NAGLU: variants seen among roughly 807,000 people sequenced by gnomAD.
NAGLU encodes the protein N-acetyl-alpha-glucosaminidase.
NAGLU carries 34 observed loss-of-function variants against 43.4 expected under a neutral mutation model. That is an observed-to-expected ratio of 0.78 (90% confidence interval 0.60 to 1.04). The LOEUF is 1.04. NAGLU is among the 50% of genes least tolerant of loss of function. The probability of loss-of-function intolerance (pLI) is 0.00; values close to 1 mark genes in which losing one functional copy is unlikely to be tolerated. For synonymous variants in NAGLU, 425 were observed against 437.6 expected (o/e 0.97, Z 0.36); for missense variants, 910 against 993.7 (o/e 0.92, Z 1.13).
chr17:42,536,418 C>G lies in NAGLU; in HGVS notation c.146C>G (p.Ser49Cys). 1 of 1,248,868 alleles carries G rather than the reference C, an allele frequency of 8.0e-7. No individual in the cohort carries two copies. Among genetic ancestry groups the G allele is most frequent in the East Asian group, 4.0e-5 (1 of 24,726 alleles). 77.4% of individuals were successfully genotyped at this position (1,248,868 alleles called of 1,614,324 possible). A position where few individuals can be genotyped will look rare whatever the true frequency, so the allele number is the denominator to read the frequency against. The change falls in exon 1 of 6, where the codon TCC becomes TGC. Residue 49 changes from serine (S) to cysteine (C), a missense_variant. Transcript: ENST00000225927. ...LLGPGPAADF[S>C]VSVERALAAK... The stretch of plus-strand genomic sequence containing the variant: ...GGGCCAGGCCCCGCGGCCGACTTCT[C>G]CGTGTCGGTGGAGCGCGCTCTGGCT...
At chr17:42,540,128 A>G (rs567587159) in intron 4 of NAGLU, among the ~76,000 whole-genome samples, 1 of 151,526 alleles carries the variant, frequency 6.6e-6, no homozygotes, top group South Asian at 2.1e-4. Context: ...AAAAAAAAAA[A>G]AAAAGGAAAG....
intron 3 of NAGLU, 76 bp downstream of exon 3, chr17:42,538,561 G>T: frequency 6.2e-7 from 1 of 1,612,852 alleles, no homozygotes. Flanking sequence ...TATTAGGCCG[G>T]CCCCAGGGCT....
Position 42,542,446 on chromosome 17 carries a change from C to T in NAGLU, c.1022-582C>T, listed in dbSNP as rs142810334. On this transcript the variant is annotated intron_variant, in intron 5 of 5. Coordinates refer to ENST00000225927, the MANE Select transcript of NAGLU (RefSeq NM_000263.4). The stretch of plus-strand genomic sequence containing the variant: ...CTCCTGACCTCAGGTGAACTGCCCA[C>T]CTCAGCCTCCCAAAGTACTGGTATT... Among the ~76,000 whole-genome samples, 871 of 152,286 alleles carry T rather than the reference C, an allele frequency of 5.7e-3. 10 individuals are homozygous for T. Among genetic ancestry groups the T allele is most frequent in the Middle Eastern group, 0.054 (16 of 294 alleles).
At chr17:42,541,256 G>A (rs944441218) in intron 5 of NAGLU, 50 bp downstream of exon 5, 1 of 1,605,112 alleles carries the variant, frequency 6.2e-7, no homozygotes, top group South Asian at 1.1e-5. Context: ...TCAAAAAGAA[G>A]GGAGTAGCAG....
chr17:42,541,905 AT>A lies in NAGLU; in HGVS notation c.1021+713del, dbSNP rs576041392. 2.7e-3 allele frequency among the ~76,000 whole-genome samples: 383 copies of A among 143,742 alleles called. 3 individuals are homozygous for A. Among genetic ancestry groups the A allele is most frequent in the African/African-American group, 4.7e-3 (187 of 39,548 alleles). The allele number at this position is 143,742 out of a possible 152,430, so 94.3% of individuals were successfully genotyped here. A position where few individuals can be genotyped will look rare whatever the true frequency, so the allele number is the denominator to read the frequency against. ...ACCCAAGACCTGAAGGAGAAGCTACATTTTTTTTTTTTTTGAGACAGATTTC... is the reference window on the plus strand; with the variant it reads ...ACCCAAGACCTGAAGGAGAAGCTACATTTTTTTTTTTTTGAGACAGATTTC... On this transcript the variant is annotated intron_variant, in intron 5 of 5. Transcript: ENST00000225927.
Position 42,538,489 on chromosome 17 carries a change from A to G in NAGLU, c.678+4A>G, listed in dbSNP as rs368199655. The G allele has an allele frequency of 3.5e-5, 57 of 1,613,828 alleles. 1 individual carries two copies. The African/African-American group carries it at 7.5e-4, about 21-fold the overall frequency. On this transcript the variant is annotated splice_donor_region_variant and intron_variant, in intron 3 of 5. Transcript: ENST00000225927. ...CATCAAGCAGCTTTACCTGCAGGTA[A>G]AAGGATGGAAAAGGGAAGGGGCAGA... is the stretch of plus-strand genomic sequence containing the variant.
intron 4 of NAGLU, among the ~76,000 whole-genome samples, chr17:42,540,063 G>A (rs1305497303): frequency 7.1e-6 from 1 of 140,710 alleles, no homozygotes; most frequent in African/African-American, 2.7e-5. Flanking sequence ...GCAGTGAGCC[G>A]AGATCACACC....
At chr17:42,538,597 T>C in intron 3 of NAGLU, 73 bp from the exon 4 acceptor site, 2 of 1,612,598 alleles carry the variant, frequency 1.2e-6, no homozygotes, top group Non-Finnish European at 1.7e-6. Context: ...GGGCTGCGTG[T>C]ATCCTGGGAG....
rs2092930191 is a variant in NAGLU, at chr17:42,544,016, C to T, written c.2010C>T (p.Tyr670=). Residue 670 remains tyrosine (Y), a synonymous_variant, in exon 6 of 6, where the codon TAC becomes TAT. Transcript: ENST00000225927. ...NKQLAGLVAN[Y]YTPRWRLFLE... ...AGCTGGCGGGGTTGGTGGCCAACTA[C>T]TACACCCCTCGCTGGCGGCTTTTCC... The T allele has an allele frequency of 6.2e-7, 1 of 1,610,970 alleles. No individual in the cohort carries two copies.
Position 42,536,649 on chromosome 17 carries a change from C to A in NAGLU, c.377C>A (p.Pro126His). 6.7e-7 allele frequency: 1 copy of A among 1,500,024 alleles called. No individual in the cohort carries two copies. Among genetic ancestry groups the A allele is most frequent in the Non-Finnish European group, 8.8e-7 (1 of 1,131,388 alleles). The allele number at this position is 1,500,024 out of a possible 1,614,324, so 92.9% of individuals were successfully genotyped here. ...CCGGGGGAGCTGACCGAGGCCACGC[C>A]CAACAGGTACCGCCCCGAAGCTTCC... is the stretch of plus-strand genomic sequence containing the variant. Reference protein sequence around the residue: ...AVPGELTEATPNRYRYYQNVC... With the variant: ...AVPGELTEATHNRYRYYQNVC... The change falls in exon 1 of 6, where the codon CCC becomes CAC. Residue 126 changes from proline to histidine, a missense_variant. By Grantham distance (77) the Pro-to-His change is moderately conservative. Coordinates refer to ENST00000225927, the MANE Select transcript of NAGLU (RefSeq NM_000263.4).
At position 42,544,375 on chromosome 17, in the gene NAGLU, G is replaced by C; in HGVS notation, c.*137G>C. On this transcript the variant is annotated 3_prime_UTR_variant, in exon 6 of 6. Transcript: ENST00000225927. The stretch of plus-strand genomic sequence containing the variant: ...CTGCTGGTGGGGTCTGACCTGGGGG[G>C]ATTGGAGGGAAATGACCTGCCCTCC... 7.4e-7 allele frequency: 1 copy of C among 1,346,830 alleles called. No individual in the cohort carries two copies. The allele number at this position is 1,346,830 out of a possible 1,614,324, so 83.4% of individuals were successfully genotyped here.
At chr17:42,537,860 TAAA>T (rs908141983) in intron 2 of NAGLU, among the ~76,000 whole-genome samples, 1 of 109,020 alleles carries the variant, frequency 9.2e-6, no homozygotes, top group Non-Finnish European at 2.0e-5. Flanking sequence ...AGACTCTGTC[TAAA>T]AAAAAAAAAA....
Position 42,537,874 on chromosome 17 carries a change from A to C in NAGLU, c.531+329A>C, listed in dbSNP as rs568852805. On this transcript the variant is annotated intron_variant, in intron 2 of 5. Transcript: ENST00000225927. Reference sequence around the variant, plus strand: ...GAGACTCTGTCTAAAAAAAAAAAAAAAAAAAACTGAGGCTTCCAGTTTGAG... The same window carrying C: ...GAGACTCTGTCTAAAAAAAAAAAAACAAAAAACTGAGGCTTCCAGTTTGAG... Among the ~76,000 whole-genome samples the C allele has an allele frequency of 1.8e-3, 279 of 151,952 alleles. 1 individual carries two copies. Among genetic ancestry groups the C allele is most frequent in the Non-Finnish European group, 3.5e-3 (241 of 67,938 alleles).
chr17:42,538,906 G>C, intron 4 of NAGLU, 151 bp downstream of exon 4: 1 of 854,148 alleles, frequency 1.2e-6, no homozygotes, highest in Non-Finnish European at 1.9e-6. Flanking sequence ...CGGATCACCT[G>C]AGGTCAGGAG....
intron 1 of NAGLU, chr17:42,536,998 C>T: frequency 4.4e-6 from 2 of 449,460 alleles, no homozygotes; most frequent in South Asian, 5.0e-5. Flanking sequence ...CCTCCATCCC[C>T]CACCCTACAG....
chr17:42,540,345 A>G (rs988981207), intron 4 of NAGLU, among the ~76,000 whole-genome samples: 1 of 151,200 alleles, frequency 6.6e-6, no homozygotes, highest in Middle Eastern at 3.2e-3. Flanking sequence ...TGGCACATGT[A>G]TACCTATGCA....
At chr17:42,540,347 A>G (rs573448250) in intron 4 of NAGLU, among the ~76,000 whole-genome samples, 102 of 151,268 alleles carry the variant, frequency 6.7e-4, no homozygotes, top group African/African-American at 2.4e-3. Context: ...GCACATGTAT[A>G]CCTATGCAAC....
chr17:42,539,108 GA>G (rs2092915200), intron 4 of NAGLU, among the ~76,000 whole-genome samples: 1 of 152,132 alleles, frequency 6.6e-6, no homozygotes, highest in Non-Finnish European at 1.5e-5. Context: ...GGTGACGAGC[GA>G]AACTCTGTCT....
At position 42,542,881 on chromosome 17, in the gene NAGLU, G is replaced by A. The variant is rs58965285; in HGVS notation, c.1022-147G>A. ...CCTGTCCTGGAGTTTTCAGAGGGAC[G>A]CGTATGTGCCACAGAGCGTCCCGCT... On this transcript the variant is annotated intron_variant, in intron 5 of 5. Coordinates refer to ENST00000225927, the MANE Select transcript of NAGLU (RefSeq NM_000263.4). The A allele has an allele frequency of 0.012, 14,392 of 1,221,608 alleles. 1,284 individuals carry two copies. In the African/African-American group the frequency reaches 0.19, roughly 16 times the overall value. 75.7% of individuals were successfully genotyped at this position (1,221,608 alleles called of 1,614,324 possible).
Sources: gnomAD v4.1 joint callset for allele counts (sites outside exome capture counted in the v4.1 genomes callset) on GRCh38, gnomAD v4.1.1 for gene constraint, MANE v1.5 for transcripts, NCBI Gene and HGNC (gene_info 2026-07-23, HGNC 2026-07-21) for gene names.